The following MCF2L2 variants were observed in gnomAD, a reference collection of about 807,000 sequenced individuals.
The protein encoded by MCF2L2 is probable guanine nucleotide exchange factor MCF2L2.
MCF2L2 carries 102 observed loss-of-function variants against 150.2 expected under a neutral mutation model. The ratio of observed to expected loss-of-function variants is 0.68; its 90% CI spans 0.58 to 0.80. MCF2L2 has a LOEUF of 0.80. Ranked by LOEUF, MCF2L2 falls within the 30% of genes least tolerant of loss-of-function variation. The probability of loss-of-function intolerance (pLI) is 0.00; values close to 1 mark genes in which losing one functional copy is unlikely to be tolerated. For missense variants in MCF2L2, 1,256 were observed against 1,372.8 expected (o/e 0.91, Z 1.34); for synonymous variants, 465 against 491.3 (o/e 0.95, Z 0.71).
rs1722129440 is a variant in MCF2L2, at chr3:183,197,916, A to T, written c.2885-2661T>A. Among the ~76,000 whole-genome samples, 1 of 152,254 alleles carries T rather than the reference A, an allele frequency of 6.6e-6. No homozygotes were observed. Among genetic ancestry groups the T allele is most frequent in the Non-Finnish European group, 1.5e-5 (1 of 68,042 alleles). Reference sequence around the variant, plus strand: ...GCCCCTATTAGAAATCTGAAAATTTAAAAGACTGACAATACCAAGTATTGG... The same window carrying T: ...GCCCCTATTAGAAATCTGAAAATTTTAAAGACTGACAATACCAAGTATTGG... On this transcript the variant is annotated intron_variant, in intron 25 of 29. Coordinates refer to ENST00000328913, the MANE Select transcript of MCF2L2 (RefSeq NM_015078.4). The surrounding 1 kb of genome is among the most constrained non-coding windows in gnomAD (Gnocchi z 4.5).
intron 27 of MCF2L2, among the ~76,000 whole-genome samples, chr3:183,184,018 T>G (rs978004265): frequency 1.3e-5 from 2 of 152,110 alleles, no homozygotes; most frequent in African/African-American, 2.4e-5. Context: ...TTTTGTTTTG[T>G]TTTTTTGTTT....
At chr3:183,274,596 C>T (rs556786671) in intron 15 of MCF2L2, among the ~76,000 whole-genome samples, 9 of 152,276 alleles carry the variant, frequency 5.9e-5, no homozygotes, top group Admixed American at 4.6e-4. Context: ...ACTTGCAAGT[C>T]GTGGTAGGAG....
Position 183,403,806 on chromosome 3 carries a change from T to C in MCF2L2, c.77-14027A>G, listed in dbSNP as rs73062783. On this transcript the variant is annotated intron_variant, in intron 1 of 29. Transcript: ENST00000328913. ...GTTCATAAGGCATGAGAGTATAGTA[T>C]GGGAAAGGAAAGGGAGTGGAGGTTC... Among the ~76,000 whole-genome samples the C allele has an allele frequency of 3.7e-3, 558 of 152,274 alleles. 7 individuals carry two copies. The highest frequency in any genetic ancestry group is 0.013 in the African/African-American group (539 of 41,546).
At chr3:183,296,775 G>A in intron 12 of MCF2L2, 2 of 557,426 alleles carry the variant, frequency 3.6e-6, no homozygotes, top group Non-Finnish European at 6.4e-6. Context: ...AGAAATGACT[G>A]ATTTGAGTCA....
At chr3:183,390,536 T>C (rs1342419520) in intron 1 of MCF2L2, among the ~76,000 whole-genome samples, 1 of 152,180 alleles carries the variant, frequency 6.6e-6, no homozygotes, top group Non-Finnish European at 1.5e-5. Flanking sequence ...GAGGACCAAC[T>C]GGAATCTTTC....
At chr3:183,351,234 ATATTTATT>A (rs1187202933) in intron 3 of MCF2L2, among the ~76,000 whole-genome samples, 14 of 60,446 alleles carry the variant, frequency 2.3e-4, no homozygotes, top group Non-Finnish European at 3.2e-4. Context: ...ATATATATAT[ATATTTATT>A]TATTTATTTA....
At chr3:183,324,215 G>A (rs945341846) in intron 5 of MCF2L2, among the ~76,000 whole-genome samples, 8 of 152,280 alleles carry the variant, frequency 5.3e-5, no homozygotes, top group Admixed American at 1.3e-4. Flanking sequence ...GAGGTGACAG[G>A]GCATTGGGTT....
chr3:183,326,687 C>T (rs1730055871), intron 5 of MCF2L2, among the ~76,000 whole-genome samples: 1 of 132,332 alleles, frequency 7.6e-6, no homozygotes, highest in African/African-American at 2.9e-5. Context: ...ATATCAAGAC[C>T]AGGAATTTGA....
Position 183,311,839 on chromosome 3 carries a change from G to A in MCF2L2, c.754-67C>T. 6 of 1,411,794 alleles carry A rather than the reference G, an allele frequency of 4.2e-6. 1 individual carries two copies. In the South Asian group the frequency reaches 7.6e-5, roughly 18 times the overall value. 87.5% of individuals were successfully genotyped at this position (1,411,794 alleles called of 1,614,324 possible). ...AACAAATTCTTGGTAGAATTGAGGT[G>A]AAGAGAATAGTAGATCAGTACATTT... is the stretch of plus-strand genomic sequence containing the variant. On this transcript the variant is annotated intron_variant, in intron 7 of 29. Coordinates refer to ENST00000328913, the MANE Select transcript of MCF2L2 (RefSeq NM_015078.4).
chr3:183,299,685 G>A lies in MCF2L2; in HGVS notation c.1305+320C>T, dbSNP rs112490304. The A allele has an allele frequency of 4.0e-4, 118 of 291,908 alleles. 2 individuals carry two copies. The highest frequency in any genetic ancestry group is 2.6e-3 in the African/African-American group (114 of 44,136). 18.1% of individuals were successfully genotyped at this position (291,908 alleles called of 1,614,324 possible). On this transcript the variant is annotated intron_variant, in intron 11 of 29. Transcript: ENST00000328913. ...CTGCAAATATAGTGCTTGGTTCTCT[G>A]TACACCTGAAAGGGAATCAAGAAGT...
At chr3:183,369,638 G>A (rs1712745146) in intron 3 of MCF2L2, among the ~76,000 whole-genome samples, 1 of 152,152 alleles carries the variant, frequency 6.6e-6, no homozygotes, top group Non-Finnish European at 1.5e-5. Context: ...CTCTCTTGAA[G>A]AGTCCATTTC....
At chr3:183,213,266 TG>T (rs1576927181) in intron 22 of MCF2L2, among the ~76,000 whole-genome samples, 1 of 150,058 alleles carries the variant, frequency 6.7e-6, no homozygotes, top group East Asian at 1.9e-4. Flanking sequence ...AAAAAACTTT[TG>T]TTTTTTTTTT....
rs141033392 is a variant in MCF2L2, at chr3:183,215,472, C to T, written c.2496+497G>A. Among the ~76,000 whole-genome samples, 273 of 152,308 alleles carry T rather than the reference C, an allele frequency of 1.8e-3. 1 individual carries two copies. The highest frequency in any genetic ancestry group is 3.1e-3 in the Admixed American group (48 of 15,298). ...ACTCCCCAGCATTGGCCTCTAACTG[C>T]ATCTCTTGGGTTTTCTTTAGACTAT... is the stretch of plus-strand genomic sequence containing the variant. On this transcript the variant is annotated intron_variant, in intron 22 of 29. Coordinates refer to ENST00000328913, the MANE Select transcript of MCF2L2 (RefSeq NM_015078.4).
Position 183,268,511 on chromosome 3 carries a change from G to A in MCF2L2, c.1862+8361C>T, listed in dbSNP as rs555650683. On this transcript the variant is annotated intron_variant, in intron 15 of 29. Transcript: ENST00000328913. ...TTAAATAATGGAAGTGGAGAAAATG[G>A]GGGGGGCGGTTCCAGATTTCAGGCA... Among the ~76,000 whole-genome samples, 24 of 152,018 alleles carry A rather than the reference G, an allele frequency of 1.6e-4. 1 individual carries two copies. Among genetic ancestry groups the A allele is most frequent in the African/African-American group, 5.8e-4 (24 of 41,342 alleles).
intron 3 of MCF2L2, chr3:183,372,905 A>G (rs1712972115): frequency 6.6e-6 from 1 of 152,242 alleles, no homozygotes; most frequent in Admixed American, 6.5e-5. Context: ...TAGGACCAAC[A>G]ACTATGATTG....
chr3:183,397,687 A>AG (rs34335221), intron 1 of MCF2L2, among the ~76,000 whole-genome samples: 56,890 of 152,000 alleles, frequency 0.37, 10,901 homozygotes, highest in African/African-American at 0.44. Flanking sequence ...TATGAGTAAA[A>AG]TATAAATAGG....
chr3:183,385,007 C>A (rs1404379504), intron 2 of MCF2L2, among the ~76,000 whole-genome samples: 2 of 152,126 alleles, frequency 1.3e-5, no homozygotes, highest in African/African-American at 4.8e-5. Flanking sequence ...CCACTAGACA[C>A]ATGTGATTAT....
chr3:183,402,353 T>G (rs1180295835), intron 1 of MCF2L2, among the ~76,000 whole-genome samples: 1 of 148,650 alleles, frequency 6.7e-6, no homozygotes, highest in African/African-American at 2.5e-5. Flanking sequence ...ACTCGGGAGG[T>G]TGAGGCAGGA....
At chr3:183,212,766 C>A (rs1350144882) in intron 22 of MCF2L2, among the ~76,000 whole-genome samples, 1 of 152,038 alleles carries the variant, frequency 6.6e-6, no homozygotes, top group Non-Finnish European at 1.5e-5. Flanking sequence ...GCTGTGGGAG[C>A]CTGTGATTAC....
Sources: allele counts gnomAD v4.1 joint callset (sites outside exome capture counted in the v4.1 genomes callset), GRCh38; gene constraint gnomAD v4.1.1; non-coding constraint Gnocchi (gnomAD v3.1); transcripts MANE v1.5; gene names NCBI Gene and HGNC (gene_info 2026-07-23, HGNC 2026-07-21).